RBFOX1: variants seen among roughly 807,000 people sequenced by gnomAD.
RBFOX1 encodes RNA binding fox-1 homolog 1.
A neutral mutation model predicts 57.7 loss-of-function variants in RBFOX1; 8 were observed. That is an observed-to-expected ratio of 0.14 (90% CI 0.08 to 0.25). The LOEUF is 0.25. RBFOX1 is among the 10% of genes least tolerant of loss of function. The probability of loss-of-function intolerance (pLI) is 1.00; values close to 1 mark genes in which losing one functional copy is unlikely to be tolerated. For synonymous variants in RBFOX1, 326 were observed against 222.4 expected (o/e 1.47, Z -4.15); for missense variants, 611 against 548.5 (o/e 1.11, Z -1.14).
rs147457630 is a variant in RBFOX1 at position 6,394,671 on chromosome 16, A to T, written c.-64+77614A>T. On this transcript the variant is annotated intron_variant, in intron 2 of 15. Transcript: ENST00000550418. ...TGTATTAGATATATATATGATATATATGATATATTAATGTATTAGATAATG... is the reference window on the plus strand; with the variant it reads ...TGTATTAGATATATATATGATATATTTGATATATTAATGTATTAGATAATG... Among the ~76,000 whole-genome samples, 60 of 151,118 alleles carry T rather than the reference A, an allele frequency of 4.0e-4. 1 individual carries two copies. Among genetic ancestry groups the T allele is most frequent in the African/African-American group, 1.4e-3 (58 of 41,308 alleles).
intron 1 of RBFOX1, among the ~76,000 whole-genome samples, chr16:6,298,088 C>G (rs139271323): frequency 3.3e-5 from 5 of 152,150 alleles, no homozygotes; most frequent in Non-Finnish European, 7.4e-5. Context: ...TTAAGCCATC[C>G]GTGGATGGCA....
intron 3 of RBFOX1, among the ~76,000 whole-genome samples, chr16:5,796,654 G>A (rs1229007910): frequency 2.0e-5 from 3 of 152,134 alleles, no homozygotes; most frequent in African/African-American, 7.2e-5. Context: ...CTGTTTACTT[G>A]TCAATGCCCA....
rs898608562 is a variant in RBFOX1 at position 6,416,541 on chromosome 16, G to T, written c.-64+99484G>T. Among the ~76,000 whole-genome samples, 6 of 152,052 alleles carry T rather than the reference G, an allele frequency of 3.9e-5. No individual in the cohort carries two copies. The South Asian group carries it at 1.0e-3, about 26-fold the overall frequency. On this transcript the variant is annotated intron_variant, in intron 2 of 15. Coordinates refer to ENST00000550418, the MANE Select transcript of RBFOX1 (RefSeq NM_018723.4). ...AGAGATTGTATTAATGAGGAAAGAGGAGAAAACTCAGAAACAGATAAGAAA... is the reference window on the plus strand; with the variant it reads ...AGAGATTGTATTAATGAGGAAAGAGTAGAAAACTCAGAAACAGATAAGAAA...
At chr16:6,464,330 A>G (rs561125893) in intron 2 of RBFOX1, among the ~76,000 whole-genome samples, 1 of 152,346 alleles carries the variant, frequency 6.6e-6, no homozygotes, top group Non-Finnish European at 1.5e-5. Context: ...ACGAAAAGAT[A>G]TACAGCTTTT....
intron 3 of RBFOX1, among the ~76,000 whole-genome samples, chr16:6,998,608 C>A (rs952564645): frequency 6.6e-6 from 1 of 152,112 alleles, no homozygotes; most frequent in Non-Finnish European, 1.5e-5. Context: ...TGATCGATGA[C>A]TTTTGTTGCT....
intron 3 of RBFOX1, among the ~76,000 whole-genome samples, chr16:6,725,333 G>T (rs1397140985): frequency 6.6e-6 from 1 of 151,836 alleles, no homozygotes; most frequent in African/African-American, 2.4e-5. Context: ...TTACAGGTTT[G>T]AGCCACCGCG....
rs974463451 is a variant in RBFOX1, at chr16:7,192,803, C to A, written c.27+140705C>A. On this transcript the variant is annotated intron_variant, in intron 4 of 15. Coordinates refer to ENST00000550418, the MANE Select transcript of RBFOX1 (RefSeq NM_018723.4). ...TAAAAGCATTTCAAAATAAATACAACATTTTTAAAAAGTAAAATTGGAACA... is the reference window on the plus strand; with the variant it reads ...TAAAAGCATTTCAAAATAAATACAAAATTTTTAAAAAGTAAAATTGGAACA... Among the ~76,000 whole-genome samples the A allele has an allele frequency of 7.2e-5, 11 of 152,168 alleles. 1 individual carries two copies. Among genetic ancestry groups the A allele is most frequent in the Non-Finnish European group, 1.3e-4 (9 of 68,024 alleles).
chr16:7,013,746 C>T (rs964544888), intron 3 of RBFOX1, among the ~76,000 whole-genome samples: 1 of 151,858 alleles, frequency 6.6e-6, no homozygotes, highest in African/African-American at 2.4e-5. Context: ...CAGCCTCAAA[C>T]TCCCAGGCTC....
chr16:6,437,000 T>G (rs886848845), intron 2 of RBFOX1, among the ~76,000 whole-genome samples: 4 of 152,176 alleles, frequency 2.6e-5, no homozygotes, highest in Admixed American at 6.5e-5. Context: ...TTGCTATATA[T>G]AGAGAGAAGA....
At chr16:6,378,307 A>G (rs1402852597) in intron 2 of RBFOX1, among the ~76,000 whole-genome samples, 1 of 152,124 alleles carries the variant, frequency 6.6e-6, no homozygotes, top group Non-Finnish European at 1.5e-5. Flanking sequence ...CTGGGGTTTC[A>G]TGCATCTGGG....
intron 4 of RBFOX1, among the ~76,000 whole-genome samples, chr16:7,260,358 C>T (rs557179398): frequency 1.6e-4 from 24 of 152,244 alleles, no homozygotes; most frequent in East Asian, 5.8e-4. Flanking sequence ...TTTTATTAAA[C>T]GCCGCTCTTA....
intron 4 of RBFOX1, among the ~76,000 whole-genome samples, chr16:7,115,319 G>C (rs1271033566): frequency 6.6e-6 from 1 of 152,150 alleles, no homozygotes; most frequent in African/African-American, 2.4e-5. Flanking sequence ...ACGTTGCTAG[G>C]CTTTGGATGC....
chr16:6,876,260 T>G (rs11646938), intron 3 of RBFOX1, among the ~76,000 whole-genome samples: 16,966 of 152,156 alleles, frequency 0.11, 1,242 homozygotes, highest in Non-Finnish European at 0.15. Context: ...CCAGTCTTTC[T>G]ATTCTTGGGA....
intron 1 of RBFOX1, among the ~76,000 whole-genome samples, chr16:5,393,934 A>T (rs540046): frequency 2.8e-3 from 429 of 150,944 alleles, no homozygotes; most frequent in Middle Eastern, 0.017. Flanking sequence ...TGTAAACTTG[A>T]CTCTTCTCGG....
At position 7,710,969 on chromosome 16, in the gene RBFOX1, T is replaced by C. The variant is rs2083919978; in HGVS notation, c.*224T>C. The C allele has an allele frequency of 3.9e-6, 2 of 518,592 alleles. No homozygotes were observed. The highest frequency in any genetic ancestry group is 6.0e-6 in the Non-Finnish European group (2 of 334,102). 32.1% of individuals were successfully genotyped at this position (518,592 alleles called of 1,614,324 possible). A position where few individuals can be genotyped will look rare whatever the true frequency, so the allele number is the denominator to read the frequency against. ...ATTTCTGAAGGTTCCGTAGTTTGGT[T>C]GCTGGCTGTAGGAGTTTTTGTGGTT... On this transcript the variant is annotated 3_prime_UTR_variant, in exon 16 of 16. Coordinates refer to ENST00000550418, the MANE Select transcript of RBFOX1 (RefSeq NM_018723.4).
intron 1 of RBFOX1, among the ~76,000 whole-genome samples, chr16:6,211,437 C>G (rs958715392): frequency 1.3e-5 from 2 of 151,964 alleles, no homozygotes; most frequent in Admixed American, 6.6e-5. Flanking sequence ...TTCGTGTTAG[C>G]CAGGATGGTC....
intron 3 of RBFOX1, among the ~76,000 whole-genome samples, chr16:6,924,218 G>A (rs1196536745): frequency 2.0e-5 from 3 of 151,338 alleles, no homozygotes; most frequent in Admixed American, 6.6e-5. Context: ...CTGAAACTGG[G>A]TAATTTATAA....
At chr16:7,210,645 C>T (rs1236385966) in intron 4 of RBFOX1, among the ~76,000 whole-genome samples, 4 of 152,100 alleles carry the variant, frequency 2.6e-5, no homozygotes, top group Non-Finnish European at 2.9e-5. Context: ...CTGTATTTTG[C>T]TCTTAGTAGG....
chr16:5,353,205 C>G (rs889997020), intron 1 of RBFOX1, among the ~76,000 whole-genome samples: 13 of 152,070 alleles, frequency 8.5e-5, no homozygotes, highest in African/African-American at 2.9e-4. Context: ...GAAATCCCAT[C>G]TCTACTAAAA....
Sources: gnomAD v4.1 joint callset for allele counts (sites outside exome capture counted in the v4.1 genomes callset) on GRCh38, gnomAD v4.1.1 for gene constraint, MANE v1.5 for transcripts, NCBI Gene and HGNC (gene_info 2026-07-23, HGNC 2026-07-21) for gene names.